PTPRD: variants seen among roughly 807,000 people sequenced by gnomAD.
PTPRD encodes the protein receptor-type tyrosine-protein phosphatase delta.
In PTPRD, 34 loss-of-function variants were observed where a neutral mutation model predicts 214.5. The observed-to-expected ratio is 0.16, with a 90% CI of 0.12 to 0.21. The LOEUF (loss-of-function observed/expected upper bound fraction) is 0.21. PTPRD is among the 10% of genes least tolerant of loss of function. The probability of loss-of-function intolerance (pLI) is 1.00; values close to 1 mark genes in which losing one functional copy is unlikely to be tolerated. For synonymous variants in PTPRD, 1,128 were observed against 845.7 expected, an observed-to-expected ratio of 1.33 and a Z score of -5.79; for missense variants, 2,545 against 2,398.7, an observed-to-expected ratio of 1.06 and a Z score of -1.27.
chr9:9,104,883 C>A (rs1237535006), intron 10 of PTPRD, among the ~76,000 whole-genome samples: 1 of 152,102 alleles, frequency 6.6e-6, no homozygotes, highest in African/African-American at 2.4e-5. Flanking sequence ...GTGAGACAAA[C>A]AAACTGGTGG....
intron 5 of PTPRD, among the ~76,000 whole-genome samples, chr9:9,821,074 C>T (rs2050546405): frequency 6.6e-6 from 1 of 152,046 alleles, no homozygotes; most frequent in Admixed American, 6.6e-5. Flanking sequence ...GGCAGTATGT[C>T]CATTTTAATG....
chr9:9,474,358 T>A (rs992055888), intron 8 of PTPRD, among the ~76,000 whole-genome samples: 7 of 152,118 alleles, frequency 4.6e-5, no homozygotes. Flanking sequence ...TTATGATAGC[T>A]TTATAGTACA....
intron 11 of PTPRD, among the ~76,000 whole-genome samples, chr9:8,971,102 C>G (rs1194570408): frequency 6.6e-6 from 1 of 151,578 alleles, no homozygotes; most frequent in East Asian, 1.9e-4. Context: ...TGTTAGAAAA[C>G]AATTCTTCAA....
chr9:8,712,262 G>A (rs1409537052), intron 12 of PTPRD, among the ~76,000 whole-genome samples: 1 of 152,146 alleles, frequency 6.6e-6, no homozygotes. Flanking sequence ...TATTGTAAGA[G>A]TAAAGACAGC....
chr9:8,883,031 C>T (rs541557888), intron 11 of PTPRD, among the ~76,000 whole-genome samples: 1 of 152,168 alleles, frequency 6.6e-6, no homozygotes, highest in South Asian at 2.1e-4. Context: ...CTTTTTTCCC[C>T]CCACAGTGAA....
Position 8,557,760 on chromosome 9 carries a change from A to G in PTPRD, c.353-28981T>C, listed in dbSNP as rs1193915169. ...TGTCTCTCAATAAAAAAAAAAAAAAAAAAAAAAGAAAAACAAAATACACAC... is the reference window on the plus strand; with the variant it reads ...TGTCTCTCAATAAAAAAAAAAAAAAGAAAAAAAGAAAAACAAAATACACAC... On this transcript the variant is annotated intron_variant, in intron 14 of 45. Transcript: ENST00000381196. 1.2e-4 allele frequency among the ~76,000 whole-genome samples: 14 copies of G among 121,072 alleles called. No homozygotes were observed. The East Asian group carries it at 1.8e-3, about 16-fold the overall frequency. 79.4% of individuals were successfully genotyped at this position (121,072 alleles called of 152,430 possible). A position where few individuals can be genotyped will look rare whatever the true frequency, so the allele number is the denominator to read the frequency against.
intron 8 of PTPRD, among the ~76,000 whole-genome samples, chr9:9,525,661 C>A (rs760261367): frequency 2.6e-5 from 4 of 151,030 alleles, no homozygotes; most frequent in Admixed American, 6.6e-5. Flanking sequence ...GTTCAGGAAT[C>A]TAAAAAGAAA....
intron 11 of PTPRD, among the ~76,000 whole-genome samples, chr9:8,740,853 G>C (rs191856270): frequency 7.9e-5 from 12 of 152,192 alleles, no homozygotes; most frequent in Non-Finnish European, 1.3e-4. Flanking sequence ...GAAGACCCCA[G>C]GGGACTATAA....
chr9:9,565,574 G>A (rs577703806), intron 8 of PTPRD, among the ~76,000 whole-genome samples: 3 of 151,792 alleles, frequency 2.0e-5, no homozygotes, highest in South Asian at 4.1e-4. Flanking sequence ...GTATAAAAAT[G>A]CTTTTAATAT....
At chr9:9,356,571 C>A (rs570743345) in intron 9 of PTPRD, among the ~76,000 whole-genome samples, 1 of 151,436 alleles carries the variant, frequency 6.6e-6, no homozygotes, top group East Asian at 1.9e-4. Context: ...TTCTCCATTT[C>A]AATCACGTTT....
chr9:8,722,127 G>GTGTGTGTA (rs1358668084), intron 12 of PTPRD, among the ~76,000 whole-genome samples: 9 of 30,190 alleles, frequency 3.0e-4, no homozygotes. Context: ...ATTACTCTGT[G>GTGTGTGTA]TGTGTGTGTG....
intron 8 of PTPRD, among the ~76,000 whole-genome samples, chr9:9,563,019 G>T (rs1463280257): frequency 6.6e-6 from 1 of 152,112 alleles, no homozygotes; most frequent in Admixed American, 6.5e-5. Context: ...ATGACTATTA[G>T]AACATTTTTA....
intron 7 of PTPRD, among the ~76,000 whole-genome samples, chr9:9,688,183 G>A (rs141064339): frequency 2.0e-5 from 3 of 151,770 alleles, no homozygotes; most frequent in African/African-American, 7.2e-5. Context: ...TCCACTCTTG[G>A]GCAGTATCTT....
intron 9 of PTPRD, among the ~76,000 whole-genome samples, chr9:9,340,207 T>C (rs998352618): frequency 6.6e-6 from 1 of 152,052 alleles, no homozygotes; most frequent in Non-Finnish European, 1.5e-5. Flanking sequence ...CAGCCCATAA[T>C]CAATATGTGG....
intron 6 of PTPRD, among the ~76,000 whole-genome samples, chr9:9,761,378 G>A (rs1008449340): frequency 4.6e-5 from 7 of 152,142 alleles, no homozygotes; most frequent in African/African-American, 1.7e-4. Context: ...GTATTGTTTA[G>A]GAAGAGGGTT....
intron 3 of PTPRD, among the ~76,000 whole-genome samples, chr9:10,232,537 T>C (rs901539733): frequency 5.3e-5 from 8 of 151,940 alleles, no homozygotes; most frequent in Non-Finnish European, 1.2e-4. Flanking sequence ...CCCTGCAGGT[T>C]TGCAAAATGT....
At chr9:9,059,208 G>A (rs2099702757) in intron 10 of PTPRD, among the ~76,000 whole-genome samples, 1 of 152,198 alleles carries the variant, frequency 6.6e-6, no homozygotes, top group Admixed American at 6.5e-5. Flanking sequence ...TTTTCCGTTA[G>A]GACTATTCAA....
intron 33 of PTPRD, among the ~76,000 whole-genome samples, chr9:8,453,624 G>C (rs1018492011): frequency 2.6e-5 from 4 of 152,212 alleles, no homozygotes; most frequent in Non-Finnish European, 4.4e-5. Flanking sequence ...TCTTATCATT[G>C]AACATGAGGC....
intron 10 of PTPRD, among the ~76,000 whole-genome samples, chr9:9,088,574 AG>A (rs2099770868): frequency 8.3e-6 from 1 of 119,896 alleles, no homozygotes. Flanking sequence ...AGTGAGACTT[AG>A]TCTCAGAAAA....
Sources: gnomAD v4.1 joint callset for allele counts (sites outside exome capture counted in the v4.1 genomes callset) on GRCh38, gnomAD v4.1.1 for gene constraint, MANE v1.5 for transcripts, NCBI Gene and HGNC (gene_info 2026-07-23, HGNC 2026-07-21) for gene names.